The following KCNH8 variants were observed in gnomAD, a reference collection of about 807,000 sequenced individuals.
KCNH8 encodes voltage-gated delayed rectifier potassium channel KCNH8.
A neutral mutation model predicts 103.6 loss-of-function variants in KCNH8; 70 were observed. That is an observed-to-expected ratio of 0.68 (90% CI 0.56 to 0.82). KCNH8 has a LOEUF of 0.82. Among genes scored for constraint, KCNH8 ranks in the 40% least tolerant of loss-of-function variants. The pLI is 0.00. For missense variants in KCNH8, 1,217 were observed against 1,329.9 expected (o/e 0.92, Z 1.32); for synonymous variants, 498 against 489.4 (o/e 1.02, Z -0.23).
intron 3 of KCNH8, among the ~76,000 whole-genome samples, chr3:19,323,237 C>T (rs1448821415): frequency 6.6e-6 from 1 of 152,074 alleles, no homozygotes; most frequent in East Asian, 1.9e-4. Context: ...ATCACAAGGT[C>T]AAGAGATCGA....
At position 19,466,689 on chromosome 3, in the gene KCNH8, G is replaced by C. The variant is rs550078344; in HGVS notation, c.2040+9707G>C. ...TTTTTTTTTTTTTTTTTTAGATGAA[G>C]TCTCGCTCTTGCCGCCCAGGCTGGA... On this transcript the variant is annotated intron_variant, in intron 11 of 15. Coordinates refer to ENST00000328405, the MANE Select transcript of KCNH8 (RefSeq NM_144633.3). Among the ~76,000 whole-genome samples, 437 of 105,268 alleles carry C rather than the reference G, an allele frequency of 4.2e-3. 2 individuals carry two copies. The highest frequency in any genetic ancestry group is 6.4e-3 in the Non-Finnish European group (368 of 57,822). 69.1% of individuals were successfully genotyped at this position (105,268 alleles called of 152,430 possible). A position where few individuals can be genotyped will look rare whatever the true frequency, so the allele number is the denominator to read the frequency against.
At chr3:19,367,902 T>A (rs2066035008) in intron 5 of KCNH8, among the ~76,000 whole-genome samples, 1 of 152,024 alleles carries the variant, frequency 6.6e-6, no homozygotes, top group Non-Finnish European at 1.5e-5. Flanking sequence ...AGGACCCCTT[T>A]ACTGTTGGCT....
chr3:19,499,158 G>A (rs974158706), intron 11 of KCNH8, among the ~76,000 whole-genome samples: 16 of 152,192 alleles, frequency 1.1e-4, no homozygotes, highest in Non-Finnish European at 2.1e-4. Context: ...AGCCTCAGGA[G>A]CCAATGCGAT....
intron 7 of KCNH8, among the ~76,000 whole-genome samples, chr3:19,403,252 A>G (rs1415179462): frequency 1.3e-5 from 2 of 150,754 alleles, no homozygotes; most frequent in African/African-American, 4.8e-5. Flanking sequence ...CTTTTATACG[A>G]TAATTAACTT....
At position 19,511,691 on chromosome 3, in the gene KCNH8, A is replaced by G. The variant is rs189232326; in HGVS notation, c.2080-1279A>G. Among the ~76,000 whole-genome samples, 4 of 152,318 alleles carry G rather than the reference A, an allele frequency of 2.6e-5. No homozygotes were observed. The East Asian group carries it at 7.7e-4, about 29-fold the overall frequency. ...ATCATGACTATCCCAGCAAAAAAAA[A>G]GTATGCCCTCGTCATTAATTAAAAT... On this transcript the variant is annotated intron_variant, in intron 12 of 15. Coordinates refer to ENST00000328405, the MANE Select transcript of KCNH8 (RefSeq NM_144633.3).
chr3:19,498,836 G>A (rs1292614726), intron 11 of KCNH8, among the ~76,000 whole-genome samples: 3 of 151,954 alleles, frequency 2.0e-5, no homozygotes, highest in South Asian at 4.1e-4. Context: ...TGGAGTACCC[G>A]GCCGTATGAG....
chr3:19,324,754 A>G (rs988274913), intron 3 of KCNH8, among the ~76,000 whole-genome samples: 1 of 152,204 alleles, frequency 6.6e-6, no homozygotes, highest in African/African-American at 2.4e-5. Flanking sequence ...AAATGCCCAT[A>G]CTGCCCAAAG....
intron 12 of KCNH8, 31 bp from the exon 13 acceptor site, chr3:19,512,939 C>G: frequency 6.3e-7 from 1 of 1,584,702 alleles, no homozygotes; most frequent in Non-Finnish European, 8.6e-7. Flanking sequence ...TTTTTGCAGT[C>G]TGTACTAATT....
intron 7 of KCNH8, among the ~76,000 whole-genome samples, chr3:19,401,938 A>G (rs529978177): frequency 6.6e-6 from 1 of 152,026 alleles, no homozygotes; most frequent in African/African-American, 2.4e-5. Flanking sequence ...TTAAGAGGAG[A>G]AAATACTTAT....
At chr3:19,188,119 T>A (rs2063519802) in intron 1 of KCNH8, among the ~76,000 whole-genome samples, 1 of 152,106 alleles carries the variant, frequency 6.6e-6, no homozygotes, top group Non-Finnish European at 1.5e-5. Context: ...CTCATTTGTT[T>A]GCATATTGTC....
At chr3:19,499,471 T>C (rs1286002710) in intron 11 of KCNH8, among the ~76,000 whole-genome samples, 1 of 151,930 alleles carries the variant, frequency 6.6e-6, no homozygotes, top group Non-Finnish European at 1.5e-5. Flanking sequence ...GAAGAGCAAC[T>C]CCAAGACACA....
At chr3:19,164,243 C>G (rs1268277291) in intron 1 of KCNH8, among the ~76,000 whole-genome samples, 1 of 152,082 alleles carries the variant, frequency 6.6e-6, no homozygotes, top group African/African-American at 2.4e-5. Flanking sequence ...CCTAAAGAGG[C>G]TAAGTATTTT....
intron 1 of KCNH8, among the ~76,000 whole-genome samples, chr3:19,179,453 A>C (rs1218546995): frequency 1.3e-5 from 2 of 152,170 alleles, no homozygotes; most frequent in Non-Finnish European, 2.9e-5. Flanking sequence ...GTTAACAGGG[A>C]CAATTAAAAT....
At chr3:19,171,163 A>G (rs2063345086) in intron 1 of KCNH8, among the ~76,000 whole-genome samples, 1 of 152,194 alleles carries the variant, frequency 6.6e-6, no homozygotes, top group East Asian at 1.9e-4. Context: ...TCTTATTCTT[A>G]CTTGTTCTAA....
intron 8 of KCNH8, chr3:19,448,917 C>G (rs2067401977): frequency 8.1e-7 from 1 of 1,228,260 alleles, no homozygotes; most frequent in Non-Finnish European, 1.1e-6. Flanking sequence ...TGACCCTCAT[C>G]TTTCTCTCAG....
intron 2 of KCNH8, among the ~76,000 whole-genome samples, chr3:19,268,740 A>C (rs2064548581): frequency 6.6e-6 from 1 of 151,832 alleles, no homozygotes; most frequent in South Asian, 2.1e-4. Context: ...CAGACCTACA[A>C]ATCAAATCTG....
chr3:19,507,963 G>C (rs1340724723), intron 11 of KCNH8, among the ~76,000 whole-genome samples: 2 of 152,162 alleles, frequency 1.3e-5, no homozygotes, highest in Non-Finnish European at 2.9e-5. Context: ...TTATTATCAT[G>C]AAGGGAAGTT....
chr3:19,517,492 A>G (rs925848798), intron 14 of KCNH8, among the ~76,000 whole-genome samples: 34 of 152,134 alleles, frequency 2.2e-4, no homozygotes, highest in African/African-American at 7.7e-4. Context: ...AGAACTAAAA[A>G]CTGGGAGAAA....
intron 15 of KCNH8, among the ~76,000 whole-genome samples, chr3:19,519,509 T>G (rs1451964770): frequency 1.3e-5 from 2 of 150,506 alleles, no homozygotes; most frequent in Non-Finnish European, 3.0e-5. Context: ...GGAGCTGAGA[T>G]TGTTGCTAAT....
Sources: allele counts gnomAD v4.1 joint callset (sites outside exome capture counted in the v4.1 genomes callset), GRCh38; gene constraint gnomAD v4.1.1; transcripts MANE v1.5; gene names NCBI Gene and HGNC (gene_info 2026-07-23, HGNC 2026-07-21).